TBX15: variants seen among roughly 807,000 people sequenced by gnomAD.
TBX15 encodes the protein T-box transcription factor 15, also known as T-box transcription factor TBX15.
Under a neutral mutation model 53.9 loss-of-function variants are expected in TBX15, and 18 were observed. The ratio of observed to expected loss-of-function variants is 0.33; its 90% CI spans 0.23 to 0.49. The LOEUF is 0.49. Ranked by LOEUF, TBX15 falls within the 20% of genes least tolerant of loss-of-function variation. TBX15 has a pLI of 0.98. For synonymous variants in TBX15, 295 were observed against 278.0 expected (o/e 1.06, Z -0.61); for missense variants, 692 against 749.5 (o/e 0.92, Z 0.90).
chr1:118,885,526 A>T lies in TBX15; in HGVS notation c.1025-10T>A. 1 of 1,568,120 alleles carries T rather than the reference A, an allele frequency of 6.4e-7. No individual in the cohort carries two copies. Among genetic ancestry groups the T allele is most frequent in the Non-Finnish European group, 8.7e-7 (1 of 1,154,964 alleles). ...GTGCCTGTGCTGCCTCCTGAAAAAT[A>T]AAACGTGAATACTATTGAGACAGAG... On this transcript the variant is annotated splice_polypyrimidine_tract_variant and intron_variant, in intron 7 of 7. Transcript: ENST00000369429.
chr1:118,905,357 T>A (rs190521345), intron 6 of TBX15, among the ~76,000 whole-genome samples: 1 of 152,146 alleles, frequency 6.6e-6, no homozygotes, highest in East Asian at 1.9e-4. Flanking sequence ...AAGCCACAGA[T>A]AACAAAATGA....
chr1:118,987,496 C>G (rs902311517), intron 1 of TBX15, 95 bp downstream of exon 1: 2 of 1,386,090 alleles, frequency 1.4e-6, no homozygotes, highest in African/African-American at 2.9e-5. Flanking sequence ...GGCAGGGCGT[C>G]AATGGCAGGG....
At chr1:118,987,206 A>G (rs1003364239) in intron 1 of TBX15, among the ~76,000 whole-genome samples, 1 of 152,224 alleles carries the variant, frequency 6.6e-6, no homozygotes, top group African/African-American at 2.4e-5. Flanking sequence ...ACGCCGCGCC[A>G]GTCCTCCCGA....
At chr1:118,932,818 T>C (rs575498860) in intron 1 of TBX15, among the ~76,000 whole-genome samples, 1 of 152,324 alleles carries the variant, frequency 6.6e-6, no homozygotes, top group East Asian at 1.9e-4. Flanking sequence ...TTGTGTGTCC[T>C]AACATTTTTC....
intron 1 of TBX15, among the ~76,000 whole-genome samples, chr1:118,935,694 A>G (rs936107591): frequency 1.3e-5 from 2 of 152,156 alleles, no homozygotes; most frequent in African/African-American, 4.8e-5. Flanking sequence ...TTTACTTTCT[A>G]TCTCTGACCT....
At chr1:118,954,821 C>A (rs1656627094) in intron 1 of TBX15, among the ~76,000 whole-genome samples, 1 of 152,204 alleles carries the variant, frequency 6.6e-6, no homozygotes, top group Non-Finnish European at 1.5e-5. Flanking sequence ...ACAACTGATG[C>A]ACACAGGCAT....
At chr1:118,891,298 G>C (rs575176008) in intron 7 of TBX15, among the ~76,000 whole-genome samples, 3 of 152,090 alleles carry the variant, frequency 2.0e-5, no homozygotes, top group Non-Finnish European at 4.4e-5. Flanking sequence ...GAGTGTCTCC[G>C]CTTCTTAGAT....
In TBX15 at chr1:118,940,131, C is replaced by T. The variant is rs112199521; in HGVS notation, c.206-8299G>A. On this transcript the variant is annotated intron_variant, in intron 1 of 7. Coordinates refer to ENST00000369429, the MANE Select transcript of TBX15 (RefSeq NM_001330677.2). ...AACTCAGAAATGCAGAGTTAACGCTCAGGCTGCTCAATCAGAAGGTAGCGC... is the reference window on the plus strand; with the variant it reads ...AACTCAGAAATGCAGAGTTAACGCTTAGGCTGCTCAATCAGAAGGTAGCGC... 8.4e-3 allele frequency among the ~76,000 whole-genome samples: 1,284 copies of T among 151,976 alleles called. 12 individuals carry two copies. The highest frequency in any genetic ancestry group is 0.013 in the Non-Finnish European group (888 of 68,016).
Position 118,884,794 on chromosome 1 carries a change from C to G in TBX15, c.1747G>C (p.Asp583His). 1 of 1,613,972 alleles carries G rather than the reference C, an allele frequency of 6.2e-7. No homozygotes were observed. Among genetic ancestry groups the G allele is most frequent in the African/African-American group, 1.3e-5 (1 of 74,894 alleles). Reference protein sequence around the residue: ...PNNQQATNTCDGRQYGAVPGS... With the variant: ...PNNQQATNTCHGRQYGAVPGS... ...GGAACTGCCCCATACTGCCGGCCAT[C>G]ACAAGTGTTGGTTGCCTGTTGGTTA... Residue 583 changes from aspartate to histidine, a missense_variant, in exon 8 of 8, where the codon GAT becomes CAT. Asp to His is a moderately conservative substitution (Grantham distance 81). Coordinates refer to ENST00000369429, the MANE Select transcript of TBX15 (RefSeq NM_001330677.2).
chr1:118,889,341 T>C (rs560715663), intron 7 of TBX15, among the ~76,000 whole-genome samples: 1 of 152,294 alleles, frequency 6.6e-6, no homozygotes, highest in African/African-American at 2.4e-5. Flanking sequence ...TCCAGCCAAG[T>C]GCAAAATGAG....
In TBX15 at chr1:118,884,537, G is replaced by T; in HGVS notation, c.*195C>A. 1 of 667,136 alleles carries T rather than the reference G, an allele frequency of 1.5e-6. No individual in the cohort carries two copies. Among genetic ancestry groups the T allele is most frequent in the Non-Finnish European group, 2.5e-6 (1 of 405,180 alleles). 41.3% of individuals were successfully genotyped at this position (667,136 alleles called of 1,614,324 possible). A position where few individuals can be genotyped will look rare whatever the true frequency, so the allele number is the denominator to read the frequency against. ...GAAGAATGGCCACTGAGTTGCGGAT[G>T]ATTCTATCGCAAGTATCCTTCACTG... On this transcript the variant is annotated 3_prime_UTR_variant, in exon 8 of 8. Coordinates refer to ENST00000369429, the MANE Select transcript of TBX15 (RefSeq NM_001330677.2).
intron 1 of TBX15, among the ~76,000 whole-genome samples, chr1:118,932,811 T>C (rs781778158): frequency 1.3e-5 from 2 of 152,192 alleles, no homozygotes; most frequent in Non-Finnish European, 2.9e-5. Context: ...CCAAGAATTG[T>C]GTGTCCTAAC....
intron 1 of TBX15, among the ~76,000 whole-genome samples, chr1:118,950,192 C>T (rs1463812477): frequency 6.6e-6 from 1 of 152,170 alleles, no homozygotes; most frequent in African/African-American, 2.4e-5. Context: ...AGAAGGAACC[C>T]CCTCTTCATG....
intron 1 of TBX15, among the ~76,000 whole-genome samples, chr1:118,951,758 C>T (rs1185441197): frequency 2.0e-5 from 3 of 152,208 alleles, no homozygotes; most frequent in African/African-American, 7.2e-5. Context: ...CAAAAGGTCA[C>T]CAACTTGATG....
At chr1:118,964,745 A>T (rs1403113462) in intron 1 of TBX15, among the ~76,000 whole-genome samples, 1 of 152,254 alleles carries the variant, frequency 6.6e-6, no homozygotes, top group Admixed American at 6.5e-5. Context: ...CACTGGGTCA[A>T]ATCAGCCACA....
At chr1:118,953,708 T>C (rs896182962) in intron 1 of TBX15, among the ~76,000 whole-genome samples, 4 of 152,188 alleles carry the variant, frequency 2.6e-5, no homozygotes, top group African/African-American at 9.7e-5. Context: ...AGTTTTTTCT[T>C]TTTTTAAGTT....
At chr1:118,889,758 A>C (rs550024822) in intron 7 of TBX15, among the ~76,000 whole-genome samples, 25 of 152,216 alleles carry the variant, frequency 1.6e-4, no homozygotes, top group African/African-American at 5.5e-4. Flanking sequence ...AATAGTATAC[A>C]TTACAAAGTG....
At chr1:118,930,242 T>A (rs529864927) in intron 2 of TBX15, among the ~76,000 whole-genome samples, 1 of 152,208 alleles carries the variant, frequency 6.6e-6, no homozygotes, top group Non-Finnish European at 1.5e-5. Flanking sequence ...ATGGCTATGT[T>A]CATGAAAACA....
Position 118,931,679 on chromosome 1 carries a change from G to A in TBX15, c.359C>T (p.Ala120Val), listed in dbSNP as rs1417227800. ...MEEIQVELQC[A>V]DLWKRFHDIG... Reference sequence around the variant, plus strand: ...ATCATGGAACCGCTTCCAGAGGTCAGCACATTGCAGCTCCACCTGAATCTC... The same window carrying A: ...ATCATGGAACCGCTTCCAGAGGTCAACACATTGCAGCTCCACCTGAATCTC... The change falls in exon 2 of 8, where the codon GCT becomes GTT. Residue 120 changes from alanine (A) to valine (V), a missense_variant. Ala to Val is a moderately conservative substitution (Grantham distance 64). Coordinates refer to ENST00000369429, the MANE Select transcript of TBX15 (RefSeq NM_001330677.2). 1.4e-5 allele frequency: 23 copies of A among 1,613,978 alleles called. No homozygotes were observed. The highest frequency in any genetic ancestry group is 1.9e-5 in the Non-Finnish European group (22 of 1,179,978).
Sources: allele counts gnomAD v4.1 joint callset (sites outside exome capture counted in the v4.1 genomes callset), GRCh38; gene constraint gnomAD v4.1.1; transcripts MANE v1.5; gene names NCBI Gene and HGNC (gene_info 2026-07-23, HGNC 2026-07-21).